Variants in DCTN1 observed in about 807,000 individuals in gnomAD.
The protein encoded by DCTN1 is 150 kDa dynein-associated polypeptide.
In DCTN1, 61 loss-of-function variants were observed where a neutral mutation model predicts 161.2. That is an observed-to-expected ratio of 0.38 (90% CI 0.31 to 0.47). The LOEUF is 0.47. DCTN1 is among the 20% of genes least tolerant of loss of function. The probability of loss-of-function intolerance (pLI) is 0.99; values close to 1 mark genes in which losing one functional copy is unlikely to be tolerated. For synonymous variants in DCTN1, 653 were observed against 632.4 expected, an observed-to-expected ratio of 1.03 and a Z score of -0.49; for missense variants, 1,404 against 1,623.7, an observed-to-expected ratio of 0.86 and a Z score of 2.33.
At position 74,361,475 on chromosome 2, in the gene DCTN1, G is replaced by A. The variant is rs1300135607; in HGVS notation, c.*24C>T. On this transcript the variant is annotated 3_prime_UTR_variant, in exon 32 of 32. Transcript: ENST00000628224. ...CGGCACCAGAGGGCTGAGGGTCGAAGGGGACAGCAGGGGAAAGGAGTGCTT... is the reference window on the plus strand; with the variant it reads ...CGGCACCAGAGGGCTGAGGGTCGAAAGGGACAGCAGGGGAAAGGAGTGCTT... The A allele has an allele frequency of 8.7e-6, 14 of 1,613,790 alleles. No individual in the cohort carries two copies. The highest frequency in any genetic ancestry group is 1.1e-5 in the Non-Finnish European group (13 of 1,180,014).
rs1674692919 is a variant in DCTN1 at position 74,369,743 on chromosome 2, G to A, written c.1392+222C>T. Among the ~76,000 whole-genome samples, 1 of 151,864 alleles carries A rather than the reference G, an allele frequency of 6.6e-6. No homozygotes were observed. The highest frequency in any genetic ancestry group is 2.4e-5 in the African/African-American group (1 of 41,320). ...CAGGAGAATCGCTTGAACCTGGGAG[G>A]CGGAGGTTGCAGTGAGCCGAGATTA... On this transcript the variant is annotated intron_variant, in intron 13 of 31. Transcript: ENST00000628224. This position sits in a 1 kb window ranked among gnomAD's most constrained non-coding sequence, Gnocchi z 4.9.
In DCTN1 at chr2:74,365,662, AC is replaced by A; in HGVS notation, c.2887-6del. ...GGCCTCACTTAGCTCCTCTCCCTGG[AC>A]AAGGACAGAACTTCTAGATCCCTGA... On this transcript the variant is annotated splice_polypyrimidine_tract_variant and splice_region_variant and intron_variant, in intron 24 of 31. Transcript: ENST00000628224. The A allele has an allele frequency of 6.2e-7, 1 of 1,614,074 alleles. No individual in the cohort carries two copies. Among genetic ancestry groups the A allele is most frequent in the Non-Finnish European group, 8.5e-7 (1 of 1,180,014 alleles).
At chr2:74,361,676 C>G in intron 31 of DCTN1, 40 bp from the exon 32 acceptor site, 1 of 1,613,878 alleles carries the variant, frequency 6.2e-7, no homozygotes, top group Non-Finnish European at 8.5e-7. Flanking sequence ...AGGTCAGGGG[C>G]TCACTTGAGC....
At chr2:74,379,317 T>G (rs1675400939) in intron 1 of DCTN1, among the ~76,000 whole-genome samples, 1 of 152,166 alleles carries the variant, frequency 6.6e-6, no homozygotes, top group South Asian at 2.1e-4. Flanking sequence ...TGGGAGACCC[T>G]TCTGATACTC....
chr2:74,380,302 G>A lies in DCTN1; in HGVS notation c.-265C>T. 3.4e-6 allele frequency: 2 copies of A among 593,422 alleles called. No individual in the cohort carries two copies. Among genetic ancestry groups the A allele is most frequent in the South Asian group, 1.8e-5 (1 of 55,200 alleles). The allele number at this position is 593,422 out of a possible 1,614,324, so 36.8% of individuals were successfully genotyped here. On this transcript the variant is annotated 5_prime_UTR_variant, in exon 1 of 32. Transcript: ENST00000628224. ...CAGAATCCTGCTTGCCAGCTGATGA[G>A]TCTCACTCTGCGCTAGTGCTGCTCT...
chr2:74,380,442 C>A (rs765066612), upstream of DCTN1: 3 of 486,416 alleles, frequency 6.2e-6, no homozygotes, highest in Non-Finnish European at 1.3e-5. Context: ...CTCTTGAATA[C>A]ACTGTCCTAG....
In DCTN1 at chr2:74,365,419, C is replaced by T. The variant is rs531671600; in HGVS notation, c.3029+96G>A. ...TGGGTAAAGAAAATGGGGAGTCTCA[C>T]TATAAGAGAACCTGAGTAGGGGTAT... On this transcript the variant is annotated intron_variant, in intron 25 of 31. Coordinates refer to ENST00000628224, the MANE Select transcript of DCTN1 (RefSeq NM_004082.5). The T allele has an allele frequency of 3.0e-3, 4,832 of 1,591,620 alleles. 13 individuals are homozygous for T. The highest frequency in any genetic ancestry group is 3.6e-3 in the Admixed American group (206 of 57,076).
intron 30 of DCTN1, 36 bp from the exon 31 acceptor site, chr2:74,362,177 T>TA (rs1558931396): frequency 1.3e-6 from 2 of 1,595,294 alleles, no homozygotes. Flanking sequence ...GGTTCATTTA[T>TA]GGGACCCCCA....
Position 74,380,060 on chromosome 2 carries a change from C to A in DCTN1, c.-23G>T, listed in dbSNP as rs758784003. 1.2e-6 allele frequency: 2 copies of A among 1,613,962 alleles called. No homozygotes were observed. The highest frequency in any genetic ancestry group is 1.7e-6 in the Non-Finnish European group (2 of 1,179,926). Reference sequence around the variant, plus strand: ...CATGTTGCTCACCCGGCCTCTACCCCCTCCCCCAGCTGGCCAAAGACAGAG... The same window carrying A: ...CATGTTGCTCACCCGGCCTCTACCCACTCCCCCAGCTGGCCAAAGACAGAG... On this transcript the variant is annotated 5_prime_UTR_variant, in exon 1 of 32. Transcript: ENST00000628224.
rs751577833 is a variant in DCTN1, at chr2:74,368,749, G to T, written c.1833C>A (p.Leu611=). Reference sequence around the variant, plus strand: ...ATACCTTGCAAATGAGACGAGGCATGAGCAACAGCACCAGAACGCAGTCAT... The same window carrying T: ...ATACCTTGCAAATGAGACGAGGCATTAGCAACAGCACCAGAACGCAGTCAT... The part of the protein sequence containing the change: ...GDHDCVLVLL[L]MPRLICKAEL... The change falls in exon 16 of 32, where the codon CTC becomes CTA. Residue 611 remains leucine (L), a synonymous_variant. Coordinates refer to ENST00000628224, the MANE Select transcript of DCTN1 (RefSeq NM_004082.5). 1.2e-6 allele frequency: 2 copies of T among 1,614,234 alleles called. No individual in the cohort carries two copies. The highest frequency in any genetic ancestry group is 1.7e-6 in the Non-Finnish European group (2 of 1,180,042).
intron 25 of DCTN1, 126 bp from the exon 26 acceptor site, chr2:74,365,367 G>A: frequency 6.5e-7 from 1 of 1,549,188 alleles, no homozygotes; most frequent in South Asian, 1.2e-5. Flanking sequence ...ACAGGCTTAG[G>A]CTGGGGTGAT....
upstream of DCTN1, chr2:74,383,886 A>C (rs1675616703): frequency 6.6e-6 from 1 of 152,228 alleles, no homozygotes; most frequent in Admixed American, 6.5e-5. Context: ...GTTTAGCACA[A>C]TGTCTGTGTG....
At chr2:74,389,299 G>A (rs1675886087) in intron 1 of DCTN1, among the ~76,000 whole-genome samples, 1 of 152,130 alleles carries the variant, frequency 6.6e-6, no homozygotes, top group Non-Finnish European at 1.5e-5. Flanking sequence ...TATGAATCTG[G>A]CAATATTCCA....
In DCTN1 at chr2:74,368,009, C is replaced by T. The variant is rs750553689; in HGVS notation, c.1977G>A (p.Ser659=). The T allele has an allele frequency of 1.2e-5, 20 of 1,614,084 alleles. No homozygotes were observed. Among genetic ancestry groups the T allele is most frequent in the Admixed American group, 3.3e-5 (2 of 60,008 alleles). Residue 659 remains serine, a synonymous_variant, in exon 17 of 32, where the codon TCG becomes TCA. Coordinates refer to ENST00000628224, the MANE Select transcript of DCTN1 (RefSeq NM_004082.5). ...QLSFAAGLVY[S]LSLLQATLHR... Reference sequence around the variant, plus strand: ...GTAGCGTGGCCTGCAGCAGGCTCAGCGAGTACACCAGTCCAGCAGCAAAGC... The same window carrying T: ...GTAGCGTGGCCTGCAGCAGGCTCAGTGAGTACACCAGTCCAGCAGCAAAGC...
chr2:74,368,949 T>C, intron 15 of DCTN1, 69 bp from the exon 16 acceptor site: 2 of 1,594,868 alleles, frequency 1.3e-6, no homozygotes, highest in Non-Finnish European at 1.7e-6. Flanking sequence ...CATGCCTTGC[T>C]CCAGTAGATC....
At chr2:74,363,652 G>T in intron 26 of DCTN1, 24 bp from the exon 27 acceptor site, 1 of 1,613,340 alleles carries the variant, frequency 6.2e-7, no homozygotes, top group Non-Finnish European at 8.5e-7. Flanking sequence ...AGCCCATGGG[G>T]GAGCAGGAAA....
chr2:74,363,565 G>C, intron 27 of DCTN1, 49 bp downstream of exon 27: 1 of 1,609,964 alleles, frequency 6.2e-7, no homozygotes, highest in Non-Finnish European at 8.5e-7. Context: ...TGCTCCCTTA[G>C]CTCCAACTCC....
At position 74,369,920 on chromosome 2, in the gene DCTN1, C is replaced by G. The variant is rs72659376; in HGVS notation, c.1392+45G>C. 3.9e-3 allele frequency: 6,142 copies of G among 1,589,850 alleles called. 15 individuals carry two copies. Among genetic ancestry groups the G allele is most frequent in the Non-Finnish European group, 4.8e-3 (5,528 of 1,159,662 alleles). ...CCAAGGGTCACATGTCAATCTTTTT[C>G]TCAGCAGGTCCAAGTCAGATGTCAG... On this transcript the variant is annotated intron_variant, in intron 13 of 31. Coordinates refer to ENST00000628224, the MANE Select transcript of DCTN1 (RefSeq NM_004082.5). This position sits in a 1 kb window ranked among gnomAD's most constrained non-coding sequence, Gnocchi z 4.9.
At position 74,368,270 on chromosome 2, in the gene DCTN1, G is replaced by C. The variant is rs1674572796; in HGVS notation, c.1855-139C>G. ...AGAAAGCAGAAATAGCTCTTACCTG[G>C]GTGGGGAATCTTGCATGGGGAAAGG... On this transcript the variant is annotated intron_variant, in intron 16 of 31. Transcript: ENST00000628224. 6.8e-6 allele frequency: 8 copies of C among 1,181,206 alleles called. No homozygotes were observed. In the South Asian group the frequency reaches 9.9e-5, roughly 15 times the overall value. The allele number at this position is 1,181,206 out of a possible 1,614,324, so 73.2% of individuals were successfully genotyped here.
Sources: gnomAD v4.1 joint callset for allele counts (sites outside exome capture counted in the v4.1 genomes callset) on GRCh38, gnomAD v4.1.1 for gene constraint, Gnocchi (gnomAD v3.1) non-coding constraint, MANE v1.5 for transcripts, NCBI Gene and HGNC (gene_info 2026-07-23, HGNC 2026-07-21) for gene names.